The following CKAP5 variants were observed in gnomAD, a reference collection of about 807,000 sequenced individuals.
The protein encoded by CKAP5 is cytoskeleton-associated protein 5.
In CKAP5, 27 loss-of-function variants were observed where a neutral mutation model predicts 232.8. The ratio of observed to expected loss-of-function variants is 0.12; its 90% CI spans 0.09 to 0.16. CKAP5 has a LOEUF of 0.16. CKAP5 is among the 10% of genes least tolerant of loss of function. The pLI, the probability that CKAP5 is intolerant of heterozygous loss-of-function variation, is 1.00. For synonymous variants in CKAP5, 785 were observed against 841.1 expected (o/e 0.93, Z 1.16); for missense variants, 1,838 against 2,424.7 (o/e 0.76, Z 5.08).
intron 27 of CKAP5, among the ~76,000 whole-genome samples, chr11:46,765,824 C>T (rs4453194): frequency 1.3e-5 from 2 of 151,824 alleles, no homozygotes; most frequent in African/African-American, 4.8e-5. Flanking sequence ...AGGCTGGTCT[C>T]GAGCTCCTGA....
At chr11:46,809,674 C>T in intron 6 of CKAP5, 68 bp downstream of exon 6, 1 of 1,574,412 alleles carries the variant, frequency 6.4e-7, no homozygotes, top group Non-Finnish European at 8.7e-7. Flanking sequence ...GCCTAATGAA[C>T]ACAGATTCTC....
chr11:46,751,830 G>A lies in CKAP5; in HGVS notation c.5134-296C>T, dbSNP rs147200628. Reference sequence around the variant, plus strand: ...AGAAATTCTCTCTTGGGTTTCCTTCGTTCCTGAGAGTAAAGTAGTTCATGT... The same window carrying A: ...AGAAATTCTCTCTTGGGTTTCCTTCATTCCTGAGAGTAAAGTAGTTCATGT... On this transcript the variant is annotated intron_variant, in intron 38 of 43. Coordinates refer to ENST00000529230, the MANE Select transcript of CKAP5 (RefSeq NM_001008938.4). Among the ~76,000 whole-genome samples, 920 of 152,078 alleles carry A rather than the reference G, an allele frequency of 6.0e-3. 7 individuals carry two copies. Among genetic ancestry groups the A allele is most frequent in the African/African-American group, 0.021 (869 of 41,466 alleles).
At position 46,843,282 on chromosome 11, in the gene CKAP5, C is replaced by G. The variant is rs551926391; in HGVS notation, c.-38+2938G>C. On this transcript the variant is annotated intron_variant, in intron 1 of 43. Coordinates refer to ENST00000529230, the MANE Select transcript of CKAP5 (RefSeq NM_001008938.4). ...TGGCAAATGGGCAAGGGTCTCTTGG[C>G]TCAACCACCTGCTGGGGACCCCAAG... Among the ~76,000 whole-genome samples, 3 of 152,108 alleles carry G rather than the reference C, an allele frequency of 2.0e-5. No homozygotes were observed. The East Asian group carries it at 5.8e-4, about 29-fold the overall frequency.
Position 46,818,515 on chromosome 11 carries a change from G to A in CKAP5, c.58-12C>T, listed in dbSNP as rs1181558291. 1.3e-6 allele frequency: 2 copies of A among 1,516,904 alleles called. No individual in the cohort carries two copies. Among genetic ancestry groups the A allele is most frequent in the East Asian group, 4.8e-5 (2 of 41,518 alleles). 94.0% of individuals were successfully genotyped at this position (1,516,904 alleles called of 1,614,324 possible). ...CTTGCTTTCCACAGCTAAAAGAAAA[G>A]TAGTATTTTGAAACAAAACATAATT... On this transcript the variant is annotated splice_polypyrimidine_tract_variant and intron_variant, in intron 2 of 43. Coordinates refer to ENST00000529230, the MANE Select transcript of CKAP5 (RefSeq NM_001008938.4).
rs772245295 is a variant in CKAP5, at chr11:46,750,545, T to C, written c.5527A>G (p.Lys1843Glu). The change falls in exon 41 of 44, where the codon AAA (lysine) becomes GAA (glutamate). Residue 1843 changes from lysine (K) to glutamate (E), a missense_variant. Lys to Glu is a moderately conservative substitution (Grantham distance 56). Around this residue, in one of 6 missense-constraint regions of CKAP5, gnomAD observed 579 missense variants for 843.2 expected, o/e 0.69. Transcript: ENST00000529230. ...LAEIFKKIGS[K>E]ENTKEGLAEL... is the part of the protein sequence containing the mutation. ...ACTCTCACCTCTTTAGTGTTTTCTT[T>C]AGAGCCAATCTTCTTAAAAATCTCA... 6.2e-7 allele frequency: 1 copy of C among 1,614,026 alleles called. No individual in the cohort carries two copies. Among genetic ancestry groups the C allele is most frequent in the Non-Finnish European group, 8.5e-7 (1 of 1,179,968 alleles).
chr11:46,769,610 C>T (rs1413672750), intron 26 of CKAP5, among the ~76,000 whole-genome samples: 1 of 151,940 alleles, frequency 6.6e-6, no homozygotes, highest in African/African-American at 2.4e-5. Flanking sequence ...GCAGAAGGAA[C>T]ACTTGAGCCC....
At chr11:46,839,664 G>A (rs1940004869) in intron 1 of CKAP5, among the ~76,000 whole-genome samples, 2 of 152,142 alleles carry the variant, frequency 1.3e-5, no homozygotes, top group African/African-American at 4.8e-5. Flanking sequence ...AATTGCTCCT[G>A]AATTCTCCTA....
chr11:46,828,280 A>C (rs1273446086), intron 1 of CKAP5, among the ~76,000 whole-genome samples: 2 of 152,184 alleles, frequency 1.3e-5, no homozygotes, highest in African/African-American at 4.8e-5. Flanking sequence ...TAAATAAATA[A>C]AGTTGCCAAG....
At position 46,832,861 on chromosome 11, in the gene CKAP5, G is replaced by A. The variant is rs565079433; in HGVS notation, c.-37-11593C>T. 1.4e-3 allele frequency among the ~76,000 whole-genome samples: 216 copies of A among 152,220 alleles called. 2 individuals carry two copies. The South Asian group carries it at 0.019, about 13-fold the overall frequency. ...AGTCTCAGTTACTCAAGAGGCTGAGGTGGGAGGACTGCTTGAACCCAGGAG... is the reference window on the plus strand; with the variant it reads ...AGTCTCAGTTACTCAAGAGGCTGAGATGGGAGGACTGCTTGAACCCAGGAG... On this transcript the variant is annotated intron_variant, in intron 1 of 43. Transcript: ENST00000529230.
intron 36 of CKAP5, among the ~76,000 whole-genome samples, chr11:46,754,289 G>A (rs889581969): frequency 1.5e-4 from 23 of 152,312 alleles, no homozygotes; most frequent in African/African-American, 5.1e-4. Flanking sequence ...GAGCCACTGT[G>A]CCTGGCCAAA....
chr11:46,765,100 A>C, intron 28 of CKAP5, 31 bp downstream of exon 28: 2 of 1,593,116 alleles, frequency 1.3e-6, no homozygotes, highest in Non-Finnish European at 1.7e-6. Flanking sequence ...TACAAGCAAA[A>C]ATCTCCTGAC....
In CKAP5 at chr11:46,763,566, G is replaced by A; in HGVS notation, c.3602C>T (p.Ser1201Phe). Residue 1201 changes from serine to phenylalanine, a missense_variant, in exon 29 of 44, where the codon TCT (serine) becomes TTT (phenylalanine). Physicochemically the swap from Ser to Phe is radical, Grantham distance 155 (BLOSUM62 -2). This residue lies in a region of CKAP5 where 767 missense variants were observed against 954.6 expected (regional missense o/e 0.80). Transcript: ENST00000529230. Reference sequence around the variant, plus strand: ...TTGTAACCATTTAGCCACACAGCTAGACATTTGAGTCTTTAGTTGCTCAAT... The same window carrying A: ...TTGTAACCATTTAGCCACACAGCTAAACATTTGAGTCTTTAGTTGCTCAAT... Reference protein sequence around the residue: ...EYIEQLKTQMSSCVAKWLQDE... With the variant: ...EYIEQLKTQMFSCVAKWLQDE... The A allele has an allele frequency of 6.2e-7, 1 of 1,603,348 alleles. No homozygotes were observed. The highest frequency in any genetic ancestry group is 8.5e-7 in the Non-Finnish European group (1 of 1,175,764).
At chr11:46,826,543 C>T (rs1939655944) in intron 1 of CKAP5, among the ~76,000 whole-genome samples, 1 of 152,212 alleles carries the variant, frequency 6.6e-6, no homozygotes, top group African/African-American at 2.4e-5. Context: ...AGGTCGTGGG[C>T]ACTGCTCACC....
intron 1 of CKAP5, among the ~76,000 whole-genome samples, chr11:46,830,518 A>AG (rs1373512532): frequency 4.0e-5 from 6 of 151,704 alleles, no homozygotes; most frequent in Non-Finnish European, 8.8e-5. Context: ...AGCAGCCACC[A>AG]GAAGCTGGAA....
intron 42 of CKAP5, among the ~76,000 whole-genome samples, chr11:46,748,826 T>TA (rs2065041294): frequency 6.6e-6 from 1 of 151,756 alleles, no homozygotes; most frequent in Non-Finnish European, 1.5e-5. Flanking sequence ...ATCAGGACTT[T>TA]AGTTTTTTTG....
rs144381064 is a variant in CKAP5, at chr11:46,803,280, C to T, written c.979-1976G>A. On this transcript the variant is annotated intron_variant, in intron 8 of 43. Transcript: ENST00000529230. ...CACTATCTCAGAAACAAAAAAACAA[C>T]AAAAAAGTGCAGACTTCAAAAAGAT... Among the ~76,000 whole-genome samples, 40 of 151,604 alleles carry T rather than the reference C, an allele frequency of 2.6e-4. No individual in the cohort carries two copies. The East Asian group carries it at 7.0e-3, about 27-fold the overall frequency.
chr11:46,831,926 A>C lies in CKAP5; in HGVS notation c.-37-10658T>G, dbSNP rs144228245. On this transcript the variant is annotated intron_variant, in intron 1 of 43. Coordinates refer to ENST00000529230, the MANE Select transcript of CKAP5 (RefSeq NM_001008938.4). ...GTTACTGAGGCTGGCGTGCAGTAGC[A>C]GGAACATGGCTCACTGCAGCCTCGA... is the stretch of plus-strand genomic sequence containing the variant. Among the ~76,000 whole-genome samples, 5 of 145,406 alleles carry C rather than the reference A, an allele frequency of 3.4e-5. No individual in the cohort carries two copies. The East Asian group carries it at 9.9e-4, about 29-fold the overall frequency.
intron 40 of CKAP5, 103 bp from the exon 41 acceptor site, chr11:46,750,714 T>C: frequency 8.0e-6 from 7 of 876,690 alleles, no homozygotes; most frequent in Admixed American, 2.2e-5. Flanking sequence ...CTGGGCCTTA[T>C]TGGTATGTTC....
At chr11:46,801,481 C>A (rs1939030143) in intron 8 of CKAP5, among the ~76,000 whole-genome samples, 177 bp from the exon 9 acceptor site, 1 of 152,092 alleles carries the variant, frequency 6.6e-6, no homozygotes, top group East Asian at 1.9e-4. Context: ...ATCAGCCTGA[C>A]CAACATGGTG....
Sources: allele counts gnomAD v4.1 joint callset (sites outside exome capture counted in the v4.1 genomes callset), GRCh38; gene constraint gnomAD v4.1.1; regional missense constraint gnomAD v4.1.1; transcripts MANE v1.5; gene names NCBI Gene and HGNC (gene_info 2026-07-23, HGNC 2026-07-21).